The following PLCH1 variants were observed in gnomAD, a reference collection of about 807,000 sequenced individuals.
The protein encoded by PLCH1 is 1-phosphatidylinositol 4,5-bisphosphate phosphodiesterase eta-1.
Under a neutral mutation model 126.7 loss-of-function variants are expected in PLCH1, and 60 were observed. The observed-to-expected ratio is 0.47, with a 90% CI of 0.38 to 0.59. The LOEUF is 0.59. PLCH1 is among the 20% of genes least tolerant of loss of function. PLCH1 has a pLI of 0.00. For missense variants in PLCH1, 1,723 were observed against 2,040.0 expected, an observed-to-expected ratio of 0.84 and a Z score of 2.99; for synonymous variants, 719 against 734.9, an observed-to-expected ratio of 0.98 and a Z score of 0.35.
At chr3:155,545,603 C>CCAAGTTGGA (rs1725138977) in intron 10 of PLCH1, among the ~76,000 whole-genome samples, 1 of 152,172 alleles carries the variant, frequency 6.6e-6, no homozygotes, top group Non-Finnish European at 1.5e-5. Flanking sequence ...AATTTTAGAC[C>CCAAGTTGGA]AATATCCTTG....
intron 2 of PLCH1, among the ~76,000 whole-genome samples, chr3:155,598,310 T>C (rs1733250881): frequency 6.6e-6 from 1 of 152,238 alleles, no homozygotes; most frequent in South Asian, 2.1e-4. Flanking sequence ...ATCACTCTTT[T>C]AGGCAATGAA....
In PLCH1 at chr3:155,567,496, G is replaced by C. The variant is rs183168729; in HGVS notation, c.865+735C>G. On this transcript the variant is annotated intron_variant, in intron 7 of 22. Transcript: ENST00000460012. Reference sequence around the variant, plus strand: ...GAGCAGAAGAAATGAGGGGGCCAACGGTCAAAATTGGTGAGATAAACCATG... The same window carrying C: ...GAGCAGAAGAAATGAGGGGGCCAACCGTCAAAATTGGTGAGATAAACCATG... Among the ~76,000 whole-genome samples, 9 of 152,136 alleles carry C rather than the reference G, an allele frequency of 5.9e-5. No individual in the cohort carries two copies. The South Asian group carries it at 1.2e-3, about 21-fold the overall frequency.
intron 10 of PLCH1, among the ~76,000 whole-genome samples, chr3:155,532,347 GA>G (rs1302186610): frequency 6.6e-6 from 1 of 152,120 alleles, no homozygotes; most frequent in Non-Finnish European, 1.5e-5. Context: ...TGAGACAGCT[GA>G]AAAACTGTGA....
At chr3:155,485,302 G>T in intron 22 of PLCH1, 54 bp downstream of exon 22, 1 of 1,094,946 alleles carries the variant, frequency 9.1e-7, no homozygotes, top group Non-Finnish European at 1.4e-6. Context: ...GGTAAACAGG[G>T]ACTGACATGC....
At chr3:155,525,283 AC>A (rs1721748077) in intron 10 of PLCH1, among the ~76,000 whole-genome samples, 1 of 152,140 alleles carries the variant, frequency 6.6e-6, no homozygotes, top group African/African-American at 2.4e-5. Context: ...CTAATACCTC[AC>A]CCATATGATA....
chr3:155,610,106 T>A (rs1734845826), intron 2 of PLCH1, among the ~76,000 whole-genome samples: 2 of 152,024 alleles, frequency 1.3e-5, no homozygotes, highest in South Asian at 4.2e-4. Context: ...ACAGCTATAA[T>A]CCCAGCACTT....
chr3:155,612,669 G>A (rs1275583561), intron 2 of PLCH1, among the ~76,000 whole-genome samples: 5 of 151,966 alleles, frequency 3.3e-5, no homozygotes, highest in African/African-American at 9.7e-5. Flanking sequence ...CCAGTACTTC[G>A]GGAGGCCGAG....
intron 2 of PLCH1, among the ~76,000 whole-genome samples, chr3:155,681,457 G>T (rs1418913871): frequency 6.6e-6 from 1 of 152,186 alleles, no homozygotes; most frequent in African/African-American, 2.4e-5. Flanking sequence ...CCCCAAGATG[G>T]CACAGCAAGT....
chr3:155,514,382 G>A (rs747731284), intron 12 of PLCH1, among the ~76,000 whole-genome samples: 70 of 152,088 alleles, frequency 4.6e-4, no homozygotes, highest in Non-Finnish European at 7.9e-4. Flanking sequence ...TAAGTAGCAG[G>A]GAAGGCAGAC....
intron 2 of PLCH1, among the ~76,000 whole-genome samples, chr3:155,675,593 T>C (rs1744006699): frequency 6.6e-6 from 1 of 152,244 alleles, no homozygotes; most frequent in Non-Finnish European, 1.5e-5. Context: ...AGTTAAAATA[T>C]AGCTTTATTC....
At chr3:155,459,540 A>C (rs778436166) in intron 21 of PLCH1, among the ~76,000 whole-genome samples, 2 of 152,196 alleles carry the variant, frequency 1.3e-5, no homozygotes, top group Non-Finnish European at 2.9e-5. Context: ...AAATTGAGTT[A>C]AAATGTTGGA....
At chr3:155,548,793 C>G (rs965835549) in intron 10 of PLCH1, among the ~76,000 whole-genome samples, 3 of 152,074 alleles carry the variant, frequency 2.0e-5, no homozygotes, top group African/African-American at 7.2e-5. Context: ...CTAGCAACAC[C>G]TTTTTGATGT....
intron 8 of PLCH1, among the ~76,000 whole-genome samples, chr3:155,564,326 A>T (rs1728025416): frequency 6.6e-6 from 1 of 152,170 alleles, no homozygotes; most frequent in East Asian, 1.9e-4. Context: ...GCACTTCGGG[A>T]GGCTGAGGTG....
chr3:155,534,589 C>T (rs610514), intron 10 of PLCH1, among the ~76,000 whole-genome samples: 139,205 of 152,214 alleles, frequency 0.91, 64,291 homozygotes, highest in Middle Eastern at 0.98. Flanking sequence ...AAAGACATGA[C>T]TGTGTTTTGA....
intron 1 of PLCH1, among the ~76,000 whole-genome samples, chr3:155,707,959 T>A (rs909619367): frequency 5.9e-5 from 9 of 152,200 alleles, no homozygotes; most frequent in South Asian, 2.1e-4. Context: ...ACTGCCTTCA[T>A]GAAATGCCCC....
Position 155,481,845 on chromosome 3 carries a change from C to T in PLCH1, c.4181G>A (p.Arg1394Lys), listed in dbSNP as rs747706287. 1.9e-6 allele frequency: 3 copies of T among 1,614,180 alleles called. No individual in the cohort carries two copies. The East Asian group carries it at 6.7e-5, about 36-fold the overall frequency. Reference protein sequence around the residue: ...YNQGVVEHFQRGLRNGYCKET... With the variant: ...YNQGVVEHFQKGLRNGYCKET... ...TTTACAGTAGCCGTTTCTCAAACCT[C>T]TTTGAAAGTGTTCTACCACACCCTG... Residue 1394 changes from arginine to lysine, a missense_variant, in exon 23 of 23, where the codon AGA (arginine) becomes AAA (lysine). Physicochemically the swap from Arg to Lys is conservative, Grantham distance 26 (BLOSUM62 2). This residue lies in a region of PLCH1 where 947 missense variants were observed against 977.1 expected (regional missense o/e 0.97). Coordinates refer to ENST00000460012, the MANE Select transcript of PLCH1 (RefSeq NM_014996.4). The surrounding 1 kb of genome is among the most constrained non-coding windows in gnomAD (Gnocchi z 4.2).
intron 4 of PLCH1, among the ~76,000 whole-genome samples, chr3:155,586,528 G>A (rs577137941): frequency 4.4e-4 from 67 of 152,238 alleles, no homozygotes; most frequent in African/African-American, 1.5e-3. Context: ...CCAACATGGT[G>A]AAACCCTGTC....
intron 6 of PLCH1, among the ~76,000 whole-genome samples, chr3:155,570,037 G>A (rs913628930): frequency 2.0e-5 from 3 of 151,952 alleles, no homozygotes; most frequent in Admixed American, 6.6e-5. Flanking sequence ...TCTGGCCACC[G>A]TAGAAGAATT....
rs144058049 is a variant in PLCH1 at position 155,637,280 on chromosome 3, C to G, written c.80-40902G>C. The stretch of plus-strand genomic sequence containing the variant: ...GAGCCCTCAGTCAGAGGTCCATTTC[C>G]CTGTGGACTACTCAGTGCCAGAAGA... On this transcript the variant is annotated intron_variant, in intron 2 of 22. Coordinates refer to ENST00000460012, the MANE Select transcript of PLCH1 (RefSeq NM_014996.4). 3.0e-3 allele frequency among the ~76,000 whole-genome samples: 455 copies of G among 152,282 alleles called. 2 individuals are homozygous for G. Among genetic ancestry groups the G allele is most frequent in the South Asian group, 0.019 (94 of 4,832 alleles).
Sources: allele counts gnomAD v4.1 joint callset (sites outside exome capture counted in the v4.1 genomes callset), GRCh38; gene constraint gnomAD v4.1.1; regional missense constraint gnomAD v4.1.1; non-coding constraint Gnocchi (gnomAD v3.1); transcripts MANE v1.5; gene names NCBI Gene and HGNC (gene_info 2026-07-23, HGNC 2026-07-21).